The following TAB2 variants were observed in gnomAD, a reference collection of about 807,000 sequenced individuals.
TAB2 encodes the protein TGF-beta activated kinase 1 (MAP3K7) binding protein 2, also known as TGF-beta-activated kinase 1 and MAP3K7-binding protein 2.
Under a neutral mutation model 65.0 loss-of-function variants are expected in TAB2, and 3 were observed. The ratio of observed to expected loss-of-function variants is 0.05; its 90% CI spans 0.02 to 0.12. The LOEUF is 0.12. Among genes scored for constraint, TAB2 ranks in the 10% least tolerant of loss-of-function variants. The pLI, the probability that TAB2 is intolerant of heterozygous loss-of-function variation, is 1.00. For synonymous variants in TAB2, 298 were observed against 285.1 expected, an observed-to-expected ratio of 1.05 and a Z score of -0.46; for missense variants, 623 against 840.3, an observed-to-expected ratio of 0.74 and a Z score of 3.20.
chr6:149,269,123 T>C (rs1308981859), intron 1 of TAB2, among the ~76,000 whole-genome samples: 1 of 152,202 alleles, frequency 6.6e-6, no homozygotes, highest in African/African-American at 2.4e-5. Context: ...AGACATAACA[T>C]TGTTTTTATT....
intron 1 of TAB2, among the ~76,000 whole-genome samples, chr6:149,344,594 A>G (rs1422457401): frequency 6.6e-6 from 1 of 152,132 alleles, no homozygotes; most frequent in African/African-American, 2.4e-5. Context: ...AGATGGAGCT[A>G]TGTCATGTTT....
chr6:149,236,836 A>G (rs1341122516), intron 1 of TAB2, among the ~76,000 whole-genome samples: 1 of 152,190 alleles, frequency 6.6e-6, no homozygotes, highest in Admixed American at 6.5e-5. Flanking sequence ...AACAGCATCA[A>G]TAGGAGGGAC....
chr6:149,313,040 C>T (rs1024146989), upstream of TAB2, among the ~76,000 whole-genome samples: 12 of 152,176 alleles, frequency 7.9e-5, no homozygotes, highest in Non-Finnish European at 1.3e-4. Context: ...AAAATATGGC[C>T]GTGGCTTCTT....
At chr6:149,303,340 C>T (rs1282424444) in intron 1 of TAB2, among the ~76,000 whole-genome samples, 1 of 152,174 alleles carries the variant, frequency 6.6e-6, no homozygotes, top group Non-Finnish European at 1.5e-5. Context: ...TCCACAAAAC[C>T]GGTCCCTAGT....
chr6:149,400,765 T>G, intron 6 of TAB2: 1 of 1,417,582 alleles, frequency 7.1e-7, no homozygotes, highest in Non-Finnish European at 9.7e-7. Context: ...GCAATTTGGT[T>G]CCACCACATT....
Position 149,378,111 on chromosome 6 carries a change from T to A in TAB2, c.196T>A (p.Ser66Thr), listed in dbSNP as rs1781465622. Residue 66 changes from serine (S) to threonine (T), a missense_variant, in exon 3 of 7, where the codon TCT becomes ACT. Coordinates refer to ENST00000637181, the MANE Select transcript of TAB2 (RefSeq NM_001292034.3). ...AGGAGACTTGAATTTTTCAGATGAT[T>A]CTGGAATTTCTGGTCTACGCAATCA... ...GEGDLNFSDD[S>T]GISGLRNHMT... 1.2e-6 allele frequency: 2 copies of A among 1,614,086 alleles called. No homozygotes were observed. Among genetic ancestry groups the A allele is most frequent in the African/African-American group, 2.7e-5 (2 of 74,942 alleles).
chr6:149,248,689 C>T (rs1029786155), intron 1 of TAB2, among the ~76,000 whole-genome samples: 2 of 152,136 alleles, frequency 1.3e-5, no homozygotes, highest in South Asian at 2.1e-4. Context: ...TGGAAAATAA[C>T]GTCAGCAAGA....
chr6:149,311,091 C>A (rs549763555), intron 1 of TAB2, among the ~76,000 whole-genome samples: 1 of 152,274 alleles, frequency 6.6e-6, no homozygotes, highest in Non-Finnish European at 1.5e-5. Flanking sequence ...TAATTACGTT[C>A]CATCGTTCAC....
intron 1 of TAB2, among the ~76,000 whole-genome samples, chr6:149,232,651 G>A (rs1463823691): frequency 2.0e-5 from 3 of 152,210 alleles, no homozygotes; most frequent in Admixed American, 1.3e-4. Context: ...TAGAAGTGGG[G>A]GGAGGGTATC....
intron 1 of TAB2, among the ~76,000 whole-genome samples, chr6:149,350,296 A>G (rs1780448245): frequency 6.6e-6 from 1 of 152,142 alleles, no homozygotes; most frequent in Non-Finnish European, 1.5e-5. Context: ...AGAGGTAAAT[A>G]GGATTGACTG....
At chr6:149,327,995 G>A (rs1236136671) in intron 1 of TAB2, among the ~76,000 whole-genome samples, 1 of 152,156 alleles carries the variant, frequency 6.6e-6, no homozygotes, top group Non-Finnish European at 1.5e-5. Context: ...CAGAGCCATT[G>A]CTGTAATTTT....
chr6:149,319,325 A>G (rs1336505470), intron 1 of TAB2, among the ~76,000 whole-genome samples: 1 of 152,208 alleles, frequency 6.6e-6, no homozygotes, highest in African/African-American at 2.4e-5. Flanking sequence ...ATATCTTTAC[A>G]TTCTTTGTAA....
intron 1 of TAB2, among the ~76,000 whole-genome samples, chr6:149,330,525 A>G (rs1779751400): frequency 6.6e-6 from 1 of 152,156 alleles, no homozygotes; most frequent in South Asian, 2.1e-4. Context: ...GCATATCCTT[A>G]ATGGCTAATG....
intron 1 of TAB2, among the ~76,000 whole-genome samples, chr6:149,252,853 T>C (rs1179728142): frequency 1.3e-5 from 2 of 152,166 alleles, no homozygotes; most frequent in East Asian, 1.9e-4. Flanking sequence ...TCACTTCCAC[T>C]TGCCCTATTT....
chr6:149,308,403 C>T (rs1039546034), intron 1 of TAB2, among the ~76,000 whole-genome samples: 8 of 152,110 alleles, frequency 5.3e-5, no homozygotes, highest in East Asian at 1.9e-4. Flanking sequence ...AATAAACAAA[C>T]GAAGAAAGAA....
chr6:149,323,056 A>G (rs2114732350), intron 1 of TAB2, among the ~76,000 whole-genome samples: 1 of 152,244 alleles, frequency 6.6e-6, no homozygotes, highest in African/African-American at 2.4e-5. Flanking sequence ...TGTAGTTAAG[A>G]GCTCAAGAAA....
intron 6 of TAB2, among the ~76,000 whole-genome samples, chr6:149,404,944 C>T (rs774142503): frequency 6.6e-6 from 1 of 152,018 alleles, no homozygotes; most frequent in African/African-American, 2.4e-5. Flanking sequence ...TGCATCTACA[C>T]GGCAAAGGAA....
chr6:149,376,683 T>G (rs1286465412), intron 2 of TAB2, among the ~76,000 whole-genome samples: 1 of 152,222 alleles, frequency 6.6e-6, no homozygotes, highest in Admixed American at 6.5e-5. Context: ...ACTTAATATT[T>G]GGCATGTACT....
At chr6:149,330,337 C>T (rs1395676791) in intron 1 of TAB2, among the ~76,000 whole-genome samples, 1 of 152,084 alleles carries the variant, frequency 6.6e-6, no homozygotes, top group Non-Finnish European at 1.5e-5. Context: ...TGTTGGGTTG[C>T]GTGATAAATG....
Sources: gnomAD v4.1 joint callset for allele counts (sites outside exome capture counted in the v4.1 genomes callset) on GRCh38, gnomAD v4.1.1 for gene constraint, MANE v1.5 for transcripts, NCBI Gene and HGNC (gene_info 2026-07-23, HGNC 2026-07-21) for gene names.